The following PLSCR2 variants were observed in gnomAD, a reference collection of about 807,000 sequenced individuals.
The protein encoded by PLSCR2 is PL scramblase 2.
In PLSCR2, 18 loss-of-function variants were observed where a neutral mutation model predicts 25.3. The observed-to-expected ratio is 0.71, with a 90% confidence interval of 0.49 to 1.06. The LOEUF (loss-of-function observed/expected upper bound fraction) is 1.06, where lower values mean the gene tolerates loss of function less well. Ranked by LOEUF, PLSCR2 falls within the 50% of genes least tolerant of loss-of-function variation. PLSCR2 has a pLI of 0.00. For missense variants in PLSCR2, 243 were observed against 269.5 expected (o/e 0.90, Z 0.69); for synonymous variants, 88 against 87.3 (o/e 1.01, Z -0.04).
rs558198226 is a variant in PLSCR2 at position 146,492,425 on chromosome 3, T to A, written c.-293+3470A>T. Among the ~76,000 whole-genome samples, 510 of 151,248 alleles carry A rather than the reference T, an allele frequency of 3.4e-3. 3 individuals carry two copies. The highest frequency in any genetic ancestry group is 0.019 in the South Asian group (91 of 4,790). ...TGCATAAAGCAATTCACAAAAAATTTAAAAAAAAATCATACTCATCACAGT... is the reference window on the plus strand; with the variant it reads ...TGCATAAAGCAATTCACAAAAAATTAAAAAAAAAATCATACTCATCACAGT... On this transcript the variant is annotated intron_variant, in intron 1 of 8. Coordinates refer to the PLSCR2 transcript ENST00000336685.
At chr3:146,434,727 A>G (rs2039724702) in intron 8 of PLSCR2, among the ~76,000 whole-genome samples, 1 of 151,860 alleles carries the variant, frequency 6.6e-6, no homozygotes, top group African/African-American at 2.4e-5. Context: ...TAGTTATTCA[A>G]TTTTTCTTTT....
chr3:146,403,094 A>G (rs901631404), intron 2 of PLSCR2, among the ~76,000 whole-genome samples: 3 of 152,058 alleles, frequency 2.0e-5, no homozygotes, highest in Non-Finnish European at 4.4e-5. Context: ...TTTCATATGC[A>G]TCCTTTCAGA....
chr3:146,463,091 GTATT>G (rs944075934), upstream of PLSCR2, among the ~76,000 whole-genome samples: 58 of 152,182 alleles, frequency 3.8e-4, no homozygotes, highest in African/African-American at 1.4e-3. Flanking sequence ...ATTAAGAGAT[GTATT>G]TATTTATTTA....
downstream of PLSCR2, among the ~76,000 whole-genome samples, chr3:146,431,209 G>A (rs2039533891): frequency 6.6e-6 from 1 of 152,150 alleles, no homozygotes; most frequent in Middle Eastern, 3.4e-3. Context: ...AATACTCTAA[G>A]CAGTTTCCCC....
At chr3:146,489,608 T>C (rs956815566) in intron 1 of PLSCR2, among the ~76,000 whole-genome samples, 56 of 152,170 alleles carry the variant, frequency 3.7e-4, no homozygotes, top group African/African-American at 1.4e-3. Context: ...TTTAAAGGAA[T>C]ACAAGTGTAT....
At position 146,480,285 on chromosome 3, in the gene PLSCR2, A is replaced by G. The variant is rs2043082898; in HGVS notation, c.-293+15610T>C. 2.0e-5 allele frequency among the ~76,000 whole-genome samples: 3 copies of G among 152,302 alleles called. No homozygotes were observed. The South Asian group carries it at 6.2e-4, about 32-fold the overall frequency. On this transcript the variant is annotated intron_variant, in intron 1 of 8. Coordinates refer to the PLSCR2 transcript ENST00000336685. ...GACACAAAAAACCCTTCAAAAAATC[A>G]ATGAATCCAGGATCTGGCTTTGTGA...
intron 2 of PLSCR2, among the ~76,000 whole-genome samples, chr3:146,426,209 C>T (rs559880969): frequency 8.6e-5 from 12 of 138,976 alleles, no homozygotes; most frequent in African/African-American, 3.1e-4. Flanking sequence ...CTCCTTCCTT[C>T]CCTCCCTCCT....
At chr3:146,486,443 AG>A (rs1372885877) in intron 1 of PLSCR2, among the ~76,000 whole-genome samples, 1 of 151,856 alleles carries the variant, frequency 6.6e-6, no homozygotes, top group Non-Finnish European at 1.5e-5. Context: ...AAAGAAGAAA[AG>A]AGAGAAGAAT....
chr3:146,395,295 A>G (rs1284659504), intron 3 of PLSCR2, among the ~76,000 whole-genome samples: 1 of 152,238 alleles, frequency 6.6e-6, no homozygotes. Flanking sequence ...ACACTAGTCA[A>G]CAAAAGTATA....
intron 2 of PLSCR2, among the ~76,000 whole-genome samples, chr3:146,424,474 T>C (rs114523819): frequency 1.3e-5 from 2 of 152,114 alleles, no homozygotes; most frequent in South Asian, 4.1e-4. Context: ...ACTTTTGACC[T>C]CAGAAATTAT....
upstream of PLSCR2, chr3:146,495,963 G>C (rs1360350748): frequency 4.0e-6 from 6 of 1,513,534 alleles, no homozygotes; most frequent in East Asian, 9.8e-5. Context: ...CAGAATTATT[G>C]CTAGGAAGAA....
chr3:146,494,309 AC>A (rs1336405846), intron 1 of PLSCR2, among the ~76,000 whole-genome samples: 2 of 152,220 alleles, frequency 1.3e-5, no homozygotes, highest in Admixed American at 6.5e-5. Context: ...AATGGTAAGT[AC>A]ATAAATATTT....
chr3:146,473,726 C>T (rs1350683341), intron 1 of PLSCR2, among the ~76,000 whole-genome samples: 1 of 152,184 alleles, frequency 6.6e-6, no homozygotes, highest in African/African-American at 2.4e-5. Context: ...ATTTTAGTAT[C>T]CCTCAGATTC....
At chr3:146,494,654 TACAA>T (rs1156251878) in intron 1 of PLSCR2, 7 of 152,246 alleles carry the variant, frequency 4.6e-5, no homozygotes, top group South Asian at 2.1e-4. Flanking sequence ...GAACCTAAAA[TACAA>T]ACAGTTTTTA....
chr3:146,391,511 A>C (rs2038083498), exon 4 of PLSCR2: 1 of 152,650 alleles, frequency 6.6e-6, no homozygotes, highest in African/African-American at 2.4e-5. Flanking sequence ...GTAATCTCTG[A>C]CATATTCTTT....
At chr3:146,455,208 T>G in intron 4 of PLSCR2, 31 bp downstream of exon 4, 1 of 1,444,388 alleles carries the variant, frequency 6.9e-7, no homozygotes, top group Non-Finnish European at 9.7e-7. Flanking sequence ...CTGAACTACT[T>G]TATGAAAAGC....
chr3:146,397,814 T>C (rs1252502784), intron 2 of PLSCR2, among the ~76,000 whole-genome samples: 3 of 152,082 alleles, frequency 2.0e-5, no homozygotes, highest in African/African-American at 4.8e-5. Flanking sequence ...TAACTTAAAA[T>C]AGAATCCTAT....
At chr3:146,458,862 T>C (rs1398545711) in intron 2 of PLSCR2, among the ~76,000 whole-genome samples, 1 of 152,098 alleles carries the variant, frequency 6.6e-6, no homozygotes, top group African/African-American at 2.4e-5. Flanking sequence ...TTCTTCTATA[T>C]ATTTTTGAGA....
chr3:146,404,821 A>AAAAGG lies in PLSCR2; in HGVS notation c.101-8901_101-8900insCCTTT, dbSNP rs71158238. ...AGGAAGAAATAGGCAAAAAAAAAAA[A>AAAAGG]GGGGGGGGGTGGTGGTTAACTGGTC... On this transcript the variant is annotated intron_variant and NMD_transcript_variant, in intron 2 of 3. Transcript: ENST00000463633. Among the ~76,000 whole-genome samples the AAAAGG allele has an allele frequency of 4.7e-3, 591 of 124,706 alleles. 15 individuals are homozygous for AAAAGG. The highest frequency in any genetic ancestry group is 7.8e-3 in the South Asian group (26 of 3,318). The allele number at this position is 124,706 out of a possible 152,430, so 81.8% of individuals were successfully genotyped here.
Sources: gnomAD v4.1 joint callset for allele counts (sites outside exome capture counted in the v4.1 genomes callset) on GRCh38, gnomAD v4.1.1 for gene constraint, MANE v1.5 for transcripts, NCBI Gene and HGNC (gene_info 2026-07-23, HGNC 2026-07-21) for gene names.